The following SLC35F3 variants were observed in gnomAD, a reference collection of about 807,000 sequenced individuals.
SLC35F3 encodes solute carrier family 35 member F3, also known as putative thiamine transporter SLC35F3.
A neutral mutation model predicts 49.9 loss-of-function variants in SLC35F3; 25 were observed. The observed-to-expected ratio is 0.50, with a 90% CI of 0.37 to 0.70. The LOEUF (loss-of-function observed/expected upper bound fraction) is 0.70. Among genes scored for constraint, SLC35F3 ranks in the 30% least tolerant of loss-of-function variants. The probability of loss-of-function intolerance (pLI) is 0.00; values close to 1 mark genes in which losing one functional copy is unlikely to be tolerated. For synonymous variants in SLC35F3, 275 were observed against 265.4 expected (o/e 1.04, Z -0.35); for missense variants, 525 against 639.8 (o/e 0.82, Z 1.94).
rs148726537 is a variant in SLC35F3, at chr1:234,323,433, T to C, written c.*190T>C. On this transcript the variant is annotated 3_prime_UTR_variant, in exon 8 of 8. Transcript: ENST00000366618. The surrounding 1 kb of genome is among the most constrained non-coding windows in gnomAD (Gnocchi z 4.5). ...CTTCCACTTAAGGGTACCAATTCAA[T>C]ACAAAAGAGAAAAGAAGAACCTCTC... The C allele has an allele frequency of 1.5e-4, 91 of 587,676 alleles. No individual in the cohort carries two copies. The highest frequency in any genetic ancestry group is 4.2e-4 in the Middle Eastern group (1 of 2,364). The allele number at this position is 587,676 out of a possible 1,614,324, so 36.4% of individuals were successfully genotyped here.
chr1:234,052,317 C>T (rs180994727), intron 2 of SLC35F3, among the ~76,000 whole-genome samples: 2 of 152,240 alleles, frequency 1.3e-5, no homozygotes, highest in African/African-American at 4.8e-5. Context: ...ATTTCAGAGC[C>T]TGTTATTGGT....
intron 2 of SLC35F3, among the ~76,000 whole-genome samples, chr1:233,972,641 T>TATTATC (rs989243384): frequency 6.6e-6 from 1 of 150,968 alleles, no homozygotes; most frequent in Non-Finnish European, 1.5e-5. Flanking sequence ...AAATCATGGT[T>TATTATC]ATTATCATTA....
At chr1:233,954,538 A>G (rs942644160) in intron 2 of SLC35F3, among the ~76,000 whole-genome samples, 3 of 152,214 alleles carry the variant, frequency 2.0e-5, no homozygotes, top group African/African-American at 7.2e-5. Context: ...AAGCAACTCA[A>G]TCCTAAGCAT....
At chr1:234,039,399 T>C (rs529917038) in intron 2 of SLC35F3, among the ~76,000 whole-genome samples, 34 of 152,262 alleles carry the variant, frequency 2.2e-4, no homozygotes, top group African/African-American at 7.9e-4. Flanking sequence ...AACATTAAAA[T>C]AGGGTATAAA....
intron 6 of SLC35F3, 55 bp downstream of exon 6, chr1:234,318,998 C>A: frequency 6.8e-7 from 1 of 1,460,378 alleles, no homozygotes; most frequent in Non-Finnish European, 9.4e-7. Flanking sequence ...CACAGAGGAC[C>A]CTCAGGAAAC....
chr1:234,016,229 A>G (rs1156585726), intron 2 of SLC35F3, among the ~76,000 whole-genome samples: 3 of 152,188 alleles, frequency 2.0e-5, no homozygotes, highest in African/African-American at 7.2e-5. Context: ...ACTATGGAAA[A>G]CAGCCATTAT....
Position 234,298,481 on chromosome 1 carries a change from A to G in SLC35F3, c.609-10620A>G, listed in dbSNP as rs146603248. On this transcript the variant is annotated intron_variant, in intron 3 of 7. Transcript: ENST00000366618. The stretch of plus-strand genomic sequence containing the variant: ...ATAATAATAATCTAGGTAAGAAATG[A>G]TAGTGGCTTAGACGAAGTGTTAGCA... Among the ~76,000 whole-genome samples, 35 of 152,362 alleles carry G rather than the reference A, an allele frequency of 2.3e-4. No individual in the cohort carries two copies. In the East Asian group the frequency reaches 6.7e-3, roughly 29 times the overall value.
intron 2 of SLC35F3, among the ~76,000 whole-genome samples, chr1:234,060,776 T>C (rs1664528328): frequency 6.6e-6 from 1 of 152,144 alleles, no homozygotes; most frequent in Non-Finnish European, 1.5e-5. Context: ...TTTTAATCAC[T>C]TCCCCACCTT....
intron 3 of SLC35F3, among the ~76,000 whole-genome samples, chr1:234,247,863 A>G (rs1419657347): frequency 6.8e-5 from 4 of 58,436 alleles, no homozygotes; most frequent in African/African-American, 3.3e-4. Flanking sequence ...TGGCTGGTGC[A>G]TTGTTTGATG....
chr1:234,058,328 ATTT>A (rs56960667), intron 2 of SLC35F3, among the ~76,000 whole-genome samples: 7 of 39,796 alleles, frequency 1.8e-4, no homozygotes, highest in African/African-American at 8.2e-4. Flanking sequence ...ATGTTCCTGA[ATTT>A]TTTTTTTTTT....
chr1:234,088,465 C>G (rs920259235), intron 2 of SLC35F3, among the ~76,000 whole-genome samples: 2 of 152,192 alleles, frequency 1.3e-5, no homozygotes, highest in African/African-American at 4.8e-5. Context: ...ACCTCGGCCT[C>G]CCAAAGTGCT....
At chr1:233,977,536 CTT>C (rs1268187507) in intron 2 of SLC35F3, among the ~76,000 whole-genome samples, 5 of 152,144 alleles carry the variant, frequency 3.3e-5, no homozygotes, top group Non-Finnish European at 7.3e-5. Flanking sequence ...GTTGGATTCT[CTT>C]TTTCAGGATT....
intron 2 of SLC35F3, among the ~76,000 whole-genome samples, chr1:233,964,952 A>G (rs765491680): frequency 6.6e-6 from 1 of 152,198 alleles, no homozygotes. Flanking sequence ...ATCTACCACC[A>G]AGATTCTTAT....
intron 2 of SLC35F3, among the ~76,000 whole-genome samples, chr1:234,230,862 G>T (rs1041186468): frequency 1.5e-4 from 23 of 152,226 alleles, no homozygotes; most frequent in Non-Finnish European, 1.6e-4. Context: ...CAAAATAAGA[G>T]GAGAGAGTCT....
chr1:234,282,008 C>G (rs946486275), intron 3 of SLC35F3, among the ~76,000 whole-genome samples: 1 of 151,754 alleles, frequency 6.6e-6, no homozygotes, highest in Non-Finnish European at 1.5e-5. Flanking sequence ...ACGCATGTCC[C>G]CTGGTACGTC....
intron 2 of SLC35F3, among the ~76,000 whole-genome samples, chr1:234,190,425 A>G (rs958323662): frequency 6.6e-6 from 1 of 152,244 alleles, no homozygotes; most frequent in Admixed American, 6.5e-5. Context: ...AGCTATTCTT[A>G]TATCAGACAA....
rs183229474 is a variant in SLC35F3 at position 233,969,715 on chromosome 1, G to A, written c.283+63957G>A. ...CTAAGAAAGACCTGAAATAGTAATC[G>A]TATGAAAAGATAAGTCTCTGTTTTT... is the stretch of plus-strand genomic sequence containing the variant. On this transcript the variant is annotated intron_variant, in intron 2 of 7. Coordinates refer to ENST00000366618, the MANE Select transcript of SLC35F3 (RefSeq NM_173508.4). Among the ~76,000 whole-genome samples the A allele has an allele frequency of 2.5e-3, 374 of 152,334 alleles. 1 individual carries two copies. The highest frequency in any genetic ancestry group is 0.02 in the Middle Eastern group (6 of 294).
At chr1:233,949,215 A>T (rs943424523) in intron 2 of SLC35F3, among the ~76,000 whole-genome samples, 2 of 152,070 alleles carry the variant, frequency 1.3e-5, no homozygotes, top group Admixed American at 1.3e-4. Context: ...TTTTCCTCGA[A>T]TGCCTCATTT....
chr1:234,033,371 C>T (rs1398555843), intron 2 of SLC35F3, among the ~76,000 whole-genome samples: 2 of 152,094 alleles, frequency 1.3e-5, no homozygotes, highest in African/African-American at 4.8e-5. Flanking sequence ...TAAGTCCCAT[C>T]TATTTATCTT....
Sources: allele counts gnomAD v4.1 joint callset (sites outside exome capture counted in the v4.1 genomes callset), GRCh38; gene constraint gnomAD v4.1.1; non-coding constraint Gnocchi (gnomAD v3.1); transcripts MANE v1.5; gene names NCBI Gene and HGNC (gene_info 2026-07-23, HGNC 2026-07-21).